The following PCCA variants were observed in gnomAD, a reference collection of about 807,000 sequenced individuals.
PCCA encodes propionyl-CoA carboxylase subunit alpha.
Under a neutral mutation model 101.3 loss-of-function variants are expected in PCCA, and 74 were observed. The observed-to-expected ratio is 0.73, with a 90% confidence interval of 0.61 to 0.89. The LOEUF (loss-of-function observed/expected upper bound fraction) is 0.89. Ranked by LOEUF, PCCA falls within the 40% of genes least tolerant of loss-of-function variation. PCCA has a pLI of 0.00. For synonymous variants in PCCA, 294 were observed against 313.6 expected (o/e 0.94, Z 0.66); for missense variants, 891 against 907.0 (o/e 0.98, Z 0.23).
chr13:100,160,185 A>G (rs2054303197), intron 6 of PCCA, among the ~76,000 whole-genome samples: 2 of 152,264 alleles, frequency 1.3e-5, no homozygotes, highest in South Asian at 4.2e-4. Flanking sequence ...GATTTTATAC[A>G]GTCCCTGCTG....
At chr13:100,093,921 A>G (rs2046508410) in intron 1 of PCCA, among the ~76,000 whole-genome samples, 1 of 152,040 alleles carries the variant, frequency 6.6e-6, no homozygotes, top group Non-Finnish European at 1.5e-5. Context: ...CCTGGGTGAC[A>G]CAGCAAGACC....
Position 100,279,995 on chromosome 13 carries a change from GTTTTGT to G in PCCA, c.1065+6666_1065+6671del, listed in dbSNP as rs1265356499. ...TCACTTTTTCCAGCTTCAGAACTGTGTTTTGTTTTTGTTTTTGTTTTTTTTTTTTTT... is the reference window on the plus strand; with the variant it reads ...TCACTTTTTCCAGCTTCAGAACTGTGTTTTGTTTTTGTTTTTTTTTTTTTT... On this transcript the variant is annotated intron_variant, in intron 12 of 23. Coordinates refer to ENST00000376285, the MANE Select transcript of PCCA (RefSeq NM_000282.4). 9.1e-4 allele frequency among the ~76,000 whole-genome samples: 108 copies of G among 118,932 alleles called. 2 individuals carry two copies. Among genetic ancestry groups the G allele is most frequent in the African/African-American group, 3.0e-3 (100 of 33,440 alleles). 78.0% of individuals were successfully genotyped at this position (118,932 alleles called of 152,430 possible). A position where few individuals can be genotyped will look rare whatever the true frequency, so the allele number is the denominator to read the frequency against.
intron 17 of PCCA, among the ~76,000 whole-genome samples, chr13:100,337,364 C>T (rs1433385893): frequency 6.6e-6 from 1 of 152,170 alleles, no homozygotes; most frequent in African/African-American, 2.4e-5. Flanking sequence ...TCTACCACCC[C>T]CAGAGGGCAA....
chr13:100,506,001 C>T (rs543715871), intron 21 of PCCA, among the ~76,000 whole-genome samples: 6 of 152,260 alleles, frequency 3.9e-5, no homozygotes, highest in African/African-American at 1.4e-4. Flanking sequence ...AAATTTAATC[C>T]TCAAAACAGT....
At chr13:100,451,874 CTCTTCCTCTCCTCTCT>C (rs2081296399) in intron 21 of PCCA, among the ~76,000 whole-genome samples, 1 of 34,372 alleles carries the variant, frequency 2.9e-5, no homozygotes, top group Non-Finnish European at 8.0e-5. Context: ...CCTCTCTCTC[CTCTTCCTCTCCTCTCT>C]CTCCTCTTCC....
intron 4 of PCCA, among the ~76,000 whole-genome samples, chr13:100,132,386 C>G (rs907617047): frequency 1.3e-4 from 17 of 128,838 alleles, no homozygotes; most frequent in African/African-American, 5.3e-4. Flanking sequence ...TTTCCCATCA[C>G]TATAGCATTG....
intron 2 of PCCA, among the ~76,000 whole-genome samples, chr13:100,108,710 C>T (rs558903989): frequency 6.6e-6 from 1 of 152,210 alleles, no homozygotes; most frequent in African/African-American, 2.4e-5. Flanking sequence ...TTGATATTTA[C>T]CTGTAATTGT....
intron 6 of PCCA, among the ~76,000 whole-genome samples, chr13:100,182,080 T>C (rs2056840001): frequency 6.8e-6 from 1 of 147,948 alleles, no homozygotes; most frequent in Non-Finnish European, 1.5e-5. Context: ...TAGTTACTAA[T>C]ATTGTTTTTT....
chr13:100,372,736 AGTTT>A (rs762194961), intron 19 of PCCA, among the ~76,000 whole-genome samples: 96 of 151,924 alleles, frequency 6.3e-4, no homozygotes, highest in Non-Finnish European at 1.0e-3. Flanking sequence ...AGATGATAAG[AGTTT>A]GTTTGTTTGT....
In PCCA at chr13:100,488,416, AAC is replaced by A. The variant is rs1165139934; in HGVS notation, c.1900-27007_1900-27006del. Reference sequence around the variant, plus strand: ...ATATATTTTTTAAAAGCTTTTAAGAAACACAGTAATCTTTGAGTTGAGATTTT... The same window carrying A: ...ATATATTTTTTAAAAGCTTTTAAGAAACAGTAATCTTTGAGTTGAGATTTT... On this transcript the variant is annotated intron_variant, in intron 21 of 23. Transcript: ENST00000376285. Among the ~76,000 whole-genome samples, 3 of 152,154 alleles carry A rather than the reference AAC, an allele frequency of 2.0e-5. No individual in the cohort carries two copies. The South Asian group carries it at 6.2e-4, about 32-fold the overall frequency.
At chr13:100,271,697 A>T (rs1035445556) in intron 11 of PCCA, among the ~76,000 whole-genome samples, 1 of 152,250 alleles carries the variant, frequency 6.6e-6, no homozygotes, top group Non-Finnish European at 1.5e-5. Context: ...TTTGAATACC[A>T]AGTGGATATT....
intron 6 of PCCA, among the ~76,000 whole-genome samples, chr13:100,166,138 C>T (rs967257764): frequency 6.6e-6 from 1 of 152,188 alleles, no homozygotes; most frequent in African/African-American, 2.4e-5. Flanking sequence ...CCTAGCCTTC[C>T]TCTTCCCCTT....
rs553273148 is a variant in PCCA at position 100,268,349 on chromosome 13, T to C, written c.820-340T>C. Among the ~76,000 whole-genome samples the C allele has an allele frequency of 1.1e-4, 16 of 152,296 alleles. No individual in the cohort carries two copies. The East Asian group carries it at 2.9e-3, about 28-fold the overall frequency. ...GTTTGTAATAAAGCTGCGGTGGCAC[T>C]CCTCAGCAACATTGACATCCAGTGT... On this transcript the variant is annotated intron_variant, in intron 10 of 23. Coordinates refer to ENST00000376285, the MANE Select transcript of PCCA (RefSeq NM_000282.4).
chr13:100,499,874 G>A (rs1488571005), intron 21 of PCCA, among the ~76,000 whole-genome samples: 1 of 150,982 alleles, frequency 6.6e-6, no homozygotes, highest in Non-Finnish European at 1.5e-5. Flanking sequence ...GGTTGCTTGA[G>A]ACTTTTTTTG....
intron 1 of PCCA, among the ~76,000 whole-genome samples, chr13:100,092,235 T>A (rs117308225): frequency 0.02 from 3,115 of 152,270 alleles, 39 homozygotes; most frequent in Middle Eastern, 0.082. Flanking sequence ...TTCATATATC[T>A]TTTATCCTTA....
In PCCA at chr13:100,179,252, T is replaced by C. The variant is rs148947283; in HGVS notation, c.468+21912T>C. ...CTTATAATAAACATACCTTACATAC[T>C]GACGAATAATATTAACACAAATGTA... On this transcript the variant is annotated intron_variant, in intron 6 of 23. Transcript: ENST00000376285. 2.1e-3 allele frequency among the ~76,000 whole-genome samples: 313 copies of C among 152,178 alleles called. 2 individuals carry two copies. The highest frequency in any genetic ancestry group is 7.3e-3 in the African/African-American group (305 of 41,534).
chr13:100,203,123 A>C (rs997056788), intron 6 of PCCA, among the ~76,000 whole-genome samples: 1 of 151,912 alleles, frequency 6.6e-6, no homozygotes, highest in Non-Finnish European at 1.5e-5. Flanking sequence ...ATACAAAAAA[A>C]ATTAGCCGGG....
At chr13:100,200,662 T>C (rs1375226158) in intron 6 of PCCA, among the ~76,000 whole-genome samples, 3 of 150,428 alleles carry the variant, frequency 2.0e-5, no homozygotes, top group Admixed American at 6.7e-5. Flanking sequence ...ATATACCATA[T>C]GGCAATATAT....
rs1211284319 is a variant in PCCA, at chr13:100,302,905, C to T, written c.1210-19C>T. 11 of 1,443,358 alleles carry T rather than the reference C, an allele frequency of 7.6e-6. No individual in the cohort carries two copies. The highest frequency in any genetic ancestry group is 1.1e-5 in the Non-Finnish European group (11 of 1,024,342). The allele number at this position is 1,443,358 out of a possible 1,614,324, so 89.4% of individuals were successfully genotyped here. A position where few individuals can be genotyped will look rare whatever the true frequency, so the allele number is the denominator to read the frequency against. On this transcript the variant is annotated intron_variant, in intron 13 of 23. Coordinates refer to ENST00000376285, the MANE Select transcript of PCCA (RefSeq NM_000282.4). ...ATTTATATTTCAAAGACTGTGCTTC[C>T]TTTCCTTTGAACTTTCAGGACCCCT... is the stretch of plus-strand genomic sequence containing the variant.
Sources: allele counts gnomAD v4.1 joint callset (sites outside exome capture counted in the v4.1 genomes callset), GRCh38; gene constraint gnomAD v4.1.1; transcripts MANE v1.5; gene names NCBI Gene and HGNC (gene_info 2026-07-23, HGNC 2026-07-21).